The following FAM161A variants were observed in gnomAD, a reference collection of about 807,000 sequenced individuals.
The protein encoded by FAM161A is FAM161 centrosomal protein A, also known as protein FAM161A.
In FAM161A, 57 loss-of-function variants were observed where a neutral mutation model predicts 70.9. The ratio of observed to expected loss-of-function variants is 0.80; its 90% CI spans 0.65 to 1.00. The LOEUF (loss-of-function observed/expected upper bound fraction) is 1.00. Ranked by LOEUF, FAM161A falls within the 50% of genes least tolerant of loss-of-function variation. The pLI is 0.00. For synonymous variants in FAM161A, 299 were observed against 295.7 expected, an observed-to-expected ratio of 1.01 and a Z score of -0.12; for missense variants, 880 against 836.0, an observed-to-expected ratio of 1.05 and a Z score of -0.65.
rs375391823 is a variant in FAM161A at position 61,839,937 on chromosome 2, T to C, written c.1067A>G (p.Lys356Arg). 4 of 1,614,220 alleles carry C rather than the reference T, an allele frequency of 2.5e-6. No homozygotes were observed. Among genetic ancestry groups the C allele is most frequent in the Non-Finnish European group, 2.5e-6 (3 of 1,180,038 alleles). ...LKYKKKTNRFKARPIPRSTYG... is the reference protein window; with the variant it reads ...LKYKKKTNRFRARPIPRSTYG... ...AGTAGATCGAGGAATGGGTCTGGCT[T>C]TAAATCGATTTGTTTTCTTTTTATA... is the stretch of plus-strand genomic sequence containing the variant. Residue 356 changes from lysine to arginine, a missense_variant, in exon 3 of 7, where the codon AAA becomes AGA. Lys to Arg is a conservative substitution (Grantham distance 26). Coordinates refer to ENST00000404929, the MANE Select transcript of FAM161A (RefSeq NM_001201543.2).
the FAM161A span, among the ~76,000 whole-genome samples, chr2:61,808,281 T>A: frequency 1.3e-5 from 2 of 151,782 alleles, no homozygotes; most frequent in African/African-American, 4.8e-5. Context: ...ATTATTTTTT[T>A]TTTTTTTTTG....
chr2:61,819,814 CTTA>C, the FAM161A span, among the ~76,000 whole-genome samples: 2 of 152,090 alleles, frequency 1.3e-5, no homozygotes, highest in African/African-American at 4.8e-5. Flanking sequence ...AACAAGATAA[CTTA>C]TTTTCATAAT....
intron 4 of FAM161A, chr2:61,836,959 G>A (rs1325057312): frequency 6.3e-6 from 1 of 159,070 alleles, no homozygotes; most frequent in Non-Finnish European, 1.4e-5. Context: ...TTGACTTCCT[G>A]GGCTCAAATG....
chr2:61,844,958 G>A (rs1673152196), intron 1 of FAM161A, among the ~76,000 whole-genome samples: 1 of 152,182 alleles, frequency 6.6e-6, no homozygotes, highest in South Asian at 2.1e-4. Context: ...CCAGATCAGG[G>A]AGGCAGTGAA....
At chr2:61,807,603 C>G in the FAM161A span, among the ~76,000 whole-genome samples, 5 of 149,244 alleles carry the variant, frequency 3.4e-5, no homozygotes, top group African/African-American at 7.4e-5. Context: ...TTTTGGGACC[C>G]TGAAAGGGTT....
At chr2:61,830,765 TC>T (rs1672541052) in intron 5 of FAM161A, among the ~76,000 whole-genome samples, 1 of 151,550 alleles carries the variant, frequency 6.6e-6, no homozygotes, top group African/African-American at 2.4e-5. Flanking sequence ...CCCCTCAGTT[TC>T]CCAAAGTGTT....
intron 1 of FAM161A, among the ~76,000 whole-genome samples, chr2:61,850,369 C>A (rs1170439877): frequency 6.6e-6 from 1 of 152,046 alleles, no homozygotes; most frequent in African/African-American, 2.4e-5. Flanking sequence ...GCACTCCAGC[C>A]TGGGCAACAA....
At position 61,842,336 on chromosome 2, in the gene FAM161A, C is replaced by T. The variant is rs1673048508; in HGVS notation, c.208G>A (p.Gly70Arg). The T allele has an allele frequency of 6.4e-7, 1 of 1,570,872 alleles. No homozygotes were observed. Among genetic ancestry groups the T allele is most frequent in the Non-Finnish European group, 8.6e-7 (1 of 1,156,642 alleles). ...ASADLNTSFS[G>R]VDEHAPISYE... Reference sequence around the variant, plus strand: ...CTTATCGGTGCATGTTCATCCACCCCAGAAAAGCTGGTGTTCAAATCAGCC... The same window carrying T: ...CTTATCGGTGCATGTTCATCCACCCTAGAAAAGCTGGTGTTCAAATCAGCC... The change falls in exon 2 of 7, where the codon GGG becomes AGG. Residue 70 changes from glycine to arginine, a missense_variant. By Grantham distance (125) the Gly-to-Arg change is moderately radical. Transcript: ENST00000404929.
At chr2:61,843,970 C>T (rs534385114) in intron 1 of FAM161A, among the ~76,000 whole-genome samples, 2 of 152,098 alleles carry the variant, frequency 1.3e-5, no homozygotes, top group East Asian at 1.9e-4. Context: ...GGCAAAACCC[C>T]ATCTCTACTA....
chr2:61,827,576 C>T lies in FAM161A; in HGVS notation c.1852-318G>A, dbSNP rs569913737. ...AGTGAGCCGAGATCGCGCCACTGTA[C>T]TCCAGCCTGGGTGACAGAACAAGAC... On this transcript the variant is annotated intron_variant, in intron 5 of 6. Coordinates refer to ENST00000404929, the MANE Select transcript of FAM161A (RefSeq NM_001201543.2). Among the ~76,000 whole-genome samples the T allele has an allele frequency of 1.2e-4, 17 of 144,012 alleles. 1 individual carries two copies. The East Asian group carries it at 3.2e-3, about 27-fold the overall frequency. 94.5% of individuals were successfully genotyped at this position (144,012 alleles called of 152,430 possible).
intron 1 of FAM161A, among the ~76,000 whole-genome samples, chr2:61,850,898 G>T (rs190388764): frequency 6.6e-6 from 1 of 152,034 alleles, no homozygotes; most frequent in Non-Finnish European, 1.5e-5. Flanking sequence ...TTTTGAGATG[G>T]AGTTTCGCTC....
chr2:61,806,945 G>C, the FAM161A span, among the ~76,000 whole-genome samples: 3 of 152,000 alleles, frequency 2.0e-5, no homozygotes, highest in African/African-American at 4.8e-5. Flanking sequence ...ACCTGCCTCA[G>C]CCTCCCAAAG....
the FAM161A span, among the ~76,000 whole-genome samples, chr2:61,806,250 A>G: frequency 3.3e-5 from 5 of 152,160 alleles, no homozygotes; most frequent in African/African-American, 1.2e-4. Flanking sequence ...AGAAATTGCA[A>G]TCTGGAAGGA....
intron 1 of FAM161A, among the ~76,000 whole-genome samples, chr2:61,844,639 C>T (rs1201297702): frequency 6.6e-6 from 1 of 152,204 alleles, no homozygotes; most frequent in African/African-American, 2.4e-5. Context: ...GTGGAGGTTG[C>T]AGTCAGCCAA....
At chr2:61,833,327 G>A (rs1357744719) in intron 5 of FAM161A, among the ~76,000 whole-genome samples, 1 of 151,678 alleles carries the variant, frequency 6.6e-6, no homozygotes, top group Non-Finnish European at 1.5e-5. Context: ...TCAGGAGGCT[G>A]AGGCAGGAGA....
At chr2:61,852,582 C>T (rs193054547) in intron 1 of FAM161A, among the ~76,000 whole-genome samples, 2 of 152,190 alleles carry the variant, frequency 1.3e-5, no homozygotes, top group African/African-American at 4.8e-5. Context: ...CTCTTCAATC[C>T]TTTTTCTCCA....
intron 1 of FAM161A, among the ~76,000 whole-genome samples, chr2:61,849,014 ATTTATATATATTTATATATATATT>A (rs1446037507): frequency 1.2e-4 from 1 of 8,438 alleles, no homozygotes; most frequent in African/African-American, 5.9e-4. Flanking sequence ...ATATTTATAT[ATTTATATATATTTATATATATATT>A]TATATATTTA....
intron 4 of FAM161A, 196 bp from the exon 5 acceptor site, chr2:61,836,305 A>G: frequency 1.9e-6 from 1 of 536,154 alleles, no homozygotes; most frequent in Non-Finnish European, 3.3e-6. Context: ...GTTAATTCTC[A>G]TGGAATGCAG....
chr2:61,808,303 T>C, the FAM161A span, among the ~76,000 whole-genome samples: 1 of 151,914 alleles, frequency 6.6e-6, no homozygotes, highest in Non-Finnish European at 1.5e-5. Context: ...GATGGAGTCT[T>C]GCTCTGTCGC....
Sources: gnomAD v4.1 joint callset for allele counts (sites outside exome capture counted in the v4.1 genomes callset) on GRCh38, gnomAD v4.1.1 for gene constraint, MANE v1.5 for transcripts, NCBI Gene and HGNC (gene_info 2026-07-23, HGNC 2026-07-21) for gene names.